NETO1: variants seen among roughly 807,000 people sequenced by gnomAD.
NETO1 encodes neuropilin and tolloid like 1, also known as neuropilin and tolloid-like protein 1.
A neutral mutation model predicts 61.3 loss-of-function variants in NETO1; 26 were observed. That is an observed-to-expected ratio of 0.42 (90% CI 0.31 to 0.59). NETO1 has a LOEUF of 0.59. Among genes scored for constraint, NETO1 ranks in the 20% least tolerant of loss-of-function variants. The pLI is 0.12. For synonymous variants in NETO1, 225 were observed against 225.8 expected (o/e 1.00, Z 0.03); for missense variants, 531 against 662.8 (o/e 0.80, Z 2.18).
In NETO1 at chr18:72,747,054, A is replaced by C. The variant is rs2070446957; in HGVS notation, c.*1125T>G. 9 of 152,010 alleles carry C rather than the reference A, an allele frequency of 5.9e-5. No individual in the cohort carries two copies. 9.4% of individuals were successfully genotyped at this position (152,010 alleles called of 1,614,324 possible). ...TAAAAAGAGTTCCCTATTCTAAAAG[A>C]AGAAAATATTCCCCTAAACTTTTAG... On this transcript the variant is annotated 3_prime_UTR_variant, in exon 11 of 11. Transcript: ENST00000327305.
At chr18:72,861,368 C>G (rs2005001) in intron 3 of NETO1, among the ~76,000 whole-genome samples, 48,331 of 152,088 alleles carry the variant, frequency 0.32, 8,178 homozygotes, top group East Asian at 0.57. Flanking sequence ...ACTTATTGTG[C>G]TAGATTAAAA....
At chr18:72,742,405 A>G (rs1330625099), downstream of NETO1, 1 of 152,198 alleles carries the variant, frequency 6.6e-6, no homozygotes, top group Admixed American at 6.5e-5. Context: ...CTTTTGTTCC[A>G]TGTCGATCAT....
At chr18:72,772,821 C>CTCTCTCTA (rs2071413109) in intron 7 of NETO1, among the ~76,000 whole-genome samples, 1 of 50,718 alleles carries the variant, frequency 2.0e-5, no homozygotes, top group Non-Finnish European at 3.6e-5. Flanking sequence ...CTCTCTCTCT[C>CTCTCTCTA]TCTCTATATA....
intron 7 of NETO1, among the ~76,000 whole-genome samples, chr18:72,766,883 C>A (rs2071183524): frequency 6.6e-6 from 1 of 152,112 alleles, no homozygotes; most frequent in Non-Finnish European, 1.5e-5. Context: ...TTTATACTTC[C>A]ATTATGTCTG....
At chr18:72,850,642 A>G (rs17086478) in intron 4 of NETO1, among the ~76,000 whole-genome samples, 7,137 of 152,284 alleles carry the variant, frequency 0.047, 562 homozygotes, top group African/African-American at 0.16. Flanking sequence ...GAGATTTCAG[A>G]AGATTTTACC....
chr18:72,856,633 C>T (rs1205617903), intron 4 of NETO1, among the ~76,000 whole-genome samples: 3 of 152,084 alleles, frequency 2.0e-5, no homozygotes, highest in African/African-American at 4.8e-5. Flanking sequence ...TCAAAATTTA[C>T]GTGATGCAAA....
intron 6 of NETO1, among the ~76,000 whole-genome samples, chr18:72,784,766 C>T (rs1235976935): frequency 6.6e-6 from 1 of 152,196 alleles, no homozygotes; most frequent in African/African-American, 2.4e-5. Flanking sequence ...TTCAAAATCA[C>T]AAGAATTCAT....
At chr18:72,832,123 A>T (rs1359641967) in intron 4 of NETO1, among the ~76,000 whole-genome samples, 2 of 152,208 alleles carry the variant, frequency 1.3e-5, no homozygotes, top group Non-Finnish European at 2.9e-5. Flanking sequence ...TTAGTAAATG[A>T]ATAATTGATA....
intron 4 of NETO1, among the ~76,000 whole-genome samples, chr18:72,854,392 T>C (rs1042380116): frequency 9.2e-5 from 14 of 152,196 alleles, no homozygotes; most frequent in Non-Finnish European, 1.9e-4. Flanking sequence ...ACAGGAAAAC[T>C]ATCATTGAAA....
chr18:72,859,649 G>A (rs991659676), intron 3 of NETO1, among the ~76,000 whole-genome samples: 3 of 152,106 alleles, frequency 2.0e-5, no homozygotes, highest in Admixed American at 1.3e-4. Context: ...CACATTATCC[G>A]TTAAGAATAT....
chr18:72,763,756 G>A lies in NETO1; in HGVS notation c.869-7609C>T, dbSNP rs11873447. On this transcript the variant is annotated intron_variant, in intron 7 of 10. Transcript: ENST00000327305. Reference sequence around the variant, plus strand: ...TTTGAATGGAAATGCTCACAAACACGTATGGAAAAGCAGCTGGGGGAGGAA... The same window carrying A: ...TTTGAATGGAAATGCTCACAAACACATATGGAAAAGCAGCTGGGGGAGGAA... Among the ~76,000 whole-genome samples, 395 of 152,184 alleles carry A rather than the reference G, an allele frequency of 2.6e-3. 1 individual carries two copies. Among genetic ancestry groups the A allele is most frequent in the South Asian group, 8.1e-3 (39 of 4,826 alleles).
At chr18:72,822,753 G>C (rs2073241351) in intron 4 of NETO1, among the ~76,000 whole-genome samples, 1 of 152,138 alleles carries the variant, frequency 6.6e-6, no homozygotes, top group South Asian at 2.1e-4. Flanking sequence ...ACACTGTTCT[G>C]TAATCTTGTT....
intron 7 of NETO1, among the ~76,000 whole-genome samples, chr18:72,778,334 G>T (rs977546731): frequency 1.3e-5 from 2 of 152,148 alleles, no homozygotes; most frequent in East Asian, 3.9e-4. Context: ...GTGTTTTCTT[G>T]TAAGCATGTT....
At chr18:72,823,414 C>CAGTTT (rs2073270916) in intron 4 of NETO1, among the ~76,000 whole-genome samples, 1 of 152,030 alleles carries the variant, frequency 6.6e-6, no homozygotes, top group South Asian at 2.1e-4. Context: ...GCAGAAAAGG[C>CAGTTT]CTCTGAGATC....
At chr18:72,819,135 T>C (rs1043413429) in intron 4 of NETO1, among the ~76,000 whole-genome samples, 1 of 152,136 alleles carries the variant, frequency 6.6e-6, no homozygotes, top group African/African-American at 2.4e-5. Context: ...CTTCTGTCTG[T>C]CTTACTGTCT....
intron 4 of NETO1, among the ~76,000 whole-genome samples, chr18:72,849,181 T>C (rs2074178062): frequency 6.6e-6 from 1 of 152,224 alleles, no homozygotes; most frequent in Non-Finnish European, 1.5e-5. Flanking sequence ...TACATTTTAA[T>C]TGACAATAAA....
Position 72,830,763 on chromosome 18 carries a change from C to A in NETO1, c.469+28063G>T, listed in dbSNP as rs2073549528. On this transcript the variant is annotated intron_variant, in intron 4 of 10. Transcript: ENST00000327305. This position sits in a 1 kb window ranked among gnomAD's most constrained non-coding sequence, Gnocchi z 4.9. Reference sequence around the variant, plus strand: ...TTGACTGCATTTTCCCTCAAATTCACCATCTCCTCTTTCTTAATCCTTCCA... The same window carrying A: ...TTGACTGCATTTTCCCTCAAATTCAACATCTCCTCTTTCTTAATCCTTCCA... Among the ~76,000 whole-genome samples, 1 of 152,322 alleles carries A rather than the reference C, an allele frequency of 6.6e-6. No individual in the cohort carries two copies. Among genetic ancestry groups the A allele is most frequent in the Middle Eastern group, 3.4e-3 (1 of 294 alleles).
At chr18:72,792,771 C>T (rs2072167997) in intron 6 of NETO1, among the ~76,000 whole-genome samples, 1 of 151,980 alleles carries the variant, frequency 6.6e-6, no homozygotes, top group Non-Finnish European at 1.5e-5. Context: ...CTTAAGCAAT[C>T]AACACCACCT....
Position 72,858,814 on chromosome 18 carries a change from GTACT to G in NETO1, c.469+8_469+11del. On this transcript the variant is annotated splice_region_variant and intron_variant, in intron 4 of 10. Coordinates refer to ENST00000327305, the MANE Select transcript of NETO1 (RefSeq NM_138966.5). ...GAAGAAAAAGAAATTTTTTTTTTAA[GTACT>G]TACTTACCAGGTGTGAAATTGTATC... 1.9e-6 allele frequency: 3 copies of G among 1,580,610 alleles called. No homozygotes were observed. Among genetic ancestry groups the G allele is most frequent in the Non-Finnish European group, 2.6e-6 (3 of 1,168,742 alleles).
Sources: gnomAD v4.1 joint callset for allele counts (sites outside exome capture counted in the v4.1 genomes callset) on GRCh38, gnomAD v4.1.1 for gene constraint, Gnocchi (gnomAD v3.1) non-coding constraint, MANE v1.5 for transcripts, NCBI Gene and HGNC (gene_info 2026-07-23, HGNC 2026-07-21) for gene names.